PRELID2: variants seen among roughly 807,000 people sequenced by gnomAD.
PRELID2 encodes PRELI domain-containing protein 2.
Under a neutral mutation model 28.4 loss-of-function variants are expected in PRELID2, and 25 were observed. The observed-to-expected ratio is 0.88, with a 90% CI of 0.64 to 1.23. PRELID2 has a LOEUF of 1.23. Ranked by LOEUF, PRELID2 falls within the 50% of genes most tolerant of loss-of-function variation. The pLI is 0.00. For synonymous variants in PRELID2, 76 were observed against 71.6 expected (o/e 1.06, Z -0.31); for missense variants, 201 against 214.4 (o/e 0.94, Z 0.39).
chr5:145,780,787 G>C (rs2149794139), intron 5 of PRELID2, among the ~76,000 whole-genome samples: 1 of 152,256 alleles, frequency 6.6e-6, no homozygotes, highest in Admixed American at 6.5e-5. Flanking sequence ...GCCCCTGATT[G>C]AGGAAATTTT....
intron 1 of PRELID2, among the ~76,000 whole-genome samples, chr5:145,832,833 T>C (rs1255452366): frequency 3.9e-5 from 6 of 152,050 alleles, no homozygotes. Flanking sequence ...AGGAAACTTC[T>C]ATTCATGCTT....
intron 1 of PRELID2, among the ~76,000 whole-genome samples, chr5:145,668,367 A>T (rs1188840825): frequency 9.3e-6 from 1 of 107,522 alleles, no homozygotes; most frequent in Non-Finnish European, 1.7e-5. Context: ...AAGGTGGTTA[A>T]AAAAAAAAAA....
the PRELID2 span, among the ~76,000 whole-genome samples, chr5:145,399,693 C>T: frequency 0.59 from 89,478 of 151,882 alleles, 26,733 homozygotes; most frequent in South Asian, 0.8. Flanking sequence ...TTCATGCTGC[C>T]GAGAAAGACA....
intron 1 of PRELID2, among the ~76,000 whole-genome samples, chr5:145,638,187 TAC>T (rs1351572173): frequency 6.6e-6 from 1 of 152,178 alleles, no homozygotes; most frequent in African/African-American, 2.4e-5. Flanking sequence ...CTACTACTAC[TAC>T]CAGTACTATT....
At chr5:145,805,131 T>A (rs1423720148) in intron 4 of PRELID2, among the ~76,000 whole-genome samples, 1 of 152,192 alleles carries the variant, frequency 6.6e-6, no homozygotes, top group Non-Finnish European at 1.5e-5. Context: ...TTAACTGGCA[T>A]CTGTGTTTCC....
At chr5:145,612,486 T>TG (rs1160495243) in intron 1 of PRELID2, among the ~76,000 whole-genome samples, 12 of 152,188 alleles carry the variant, frequency 7.9e-5, no homozygotes, top group African/African-American at 2.7e-4. Context: ...CATAGGTTAT[T>TG]GGGGTACAGG....
intron 1 of PRELID2, among the ~76,000 whole-genome samples, chr5:145,569,351 T>C (rs917897297): frequency 9.2e-5 from 14 of 152,240 alleles, no homozygotes; most frequent in Non-Finnish European, 1.5e-4. Flanking sequence ...GTAACATGTC[T>C]GGGTGGATCC....
chr5:145,271,359 G>C, the PRELID2 span, among the ~76,000 whole-genome samples: 2 of 151,902 alleles, frequency 1.3e-5, no homozygotes, highest in African/African-American at 4.8e-5. Context: ...TAAGTAGCTG[G>C]CACCACAGGC....
chr5:145,432,773 A>G, the PRELID2 span, among the ~76,000 whole-genome samples: 1 of 152,178 alleles, frequency 6.6e-6, no homozygotes, highest in Non-Finnish European at 1.5e-5. Context: ...ATGAAAATCC[A>G]TTTAAGAAAC....
At chr5:145,621,218 TC>T (rs1262897681) in intron 1 of PRELID2, among the ~76,000 whole-genome samples, 1 of 152,090 alleles carries the variant, frequency 6.6e-6, no homozygotes, top group African/African-American at 2.4e-5. Flanking sequence ...GCAAGGTGAA[TC>T]AAACCCATCA....
In PRELID2 at chr5:145,823,811, T is replaced by A. The variant is rs546080588; in HGVS notation, c.76-677A>T. 9.7e-4 allele frequency among the ~76,000 whole-genome samples: 147 copies of A among 152,326 alleles called. 3 individuals carry two copies. The highest frequency in any genetic ancestry group is 8.3e-3 in the South Asian group (40 of 4,832). ...GAAAAGCAATTTGGCTGTGACAAGG[T>A]TGATAATAGCCACTGCTTTTGTCGT... On this transcript the variant is annotated intron_variant, in intron 1 of 6. Coordinates refer to ENST00000683046, the MANE Select transcript of PRELID2 (RefSeq NM_205846.3).
At chr5:145,565,581 T>C (rs1752957656) in intron 1 of PRELID2, among the ~76,000 whole-genome samples, 2 of 152,240 alleles carry the variant, frequency 1.3e-5, no homozygotes, top group Admixed American at 1.3e-4. Context: ...GGCAGACATG[T>C]CAACTCTACA....
At chr5:145,788,885 A>T (rs1247393861) in intron 5 of PRELID2, among the ~76,000 whole-genome samples, 1 of 152,196 alleles carries the variant, frequency 6.6e-6, no homozygotes, top group Non-Finnish European at 1.5e-5. Context: ...TATCCGAAAA[A>T]ATTAAGAAAT....
At chr5:145,271,686 T>A in the PRELID2 span, among the ~76,000 whole-genome samples, 1 of 152,136 alleles carries the variant, frequency 6.6e-6, no homozygotes, top group Non-Finnish European at 1.5e-5. Context: ...TTTTGGAAAG[T>A]GGTTGTGATT....
In PRELID2 at chr5:145,700,872, A is replaced by G. The variant is rs145137828; in HGVS notation, n.70+64059T>C. On this transcript the variant is annotated intron_variant and non_coding_transcript_variant, in intron 1 of 2. Coordinates refer to the PRELID2 transcript ENST00000510259. ...AGTGCATCTAACACCCAGGTGAGCA[A>G]GCCCCTCCATGGCCATACGGACCAC... is the stretch of plus-strand genomic sequence containing the variant. Among the ~76,000 whole-genome samples, 74 of 152,340 alleles carry G rather than the reference A, an allele frequency of 4.9e-4. No individual in the cohort carries two copies. The East Asian group carries it at 0.012, about 25-fold the overall frequency.
intron 1 of PRELID2, among the ~76,000 whole-genome samples, chr5:145,541,630 A>G (rs1422784495): frequency 3.9e-5 from 6 of 152,108 alleles, no homozygotes; most frequent in Non-Finnish European, 5.9e-5. Flanking sequence ...TATGCATTGT[A>G]TAGTTTTATT....
the PRELID2 span, among the ~76,000 whole-genome samples, chr5:145,366,400 A>G: frequency 6.6e-6 from 1 of 151,878 alleles, no homozygotes; most frequent in Admixed American, 6.6e-5. Flanking sequence ...AAAAGAGAAA[A>G]TAACAGGAAT....
At chr5:145,468,162 T>C (rs573707916), downstream of PRELID2, among the ~76,000 whole-genome samples, 20 of 152,112 alleles carry the variant, frequency 1.3e-4, no homozygotes, top group Admixed American at 9.2e-4. Context: ...TGAGAACATG[T>C]GGTGTTTGGT....
chr5:145,393,812 C>T, the PRELID2 span, among the ~76,000 whole-genome samples: 1 of 152,186 alleles, frequency 6.6e-6, no homozygotes, highest in Admixed American at 6.5e-5. Flanking sequence ...TTCAATTTAA[C>T]AGGGTTAAGT....
Sources: allele counts gnomAD v4.1 joint callset (sites outside exome capture counted in the v4.1 genomes callset), GRCh38; gene constraint gnomAD v4.1.1; transcripts MANE v1.5; gene names NCBI Gene and HGNC (gene_info 2026-07-23, HGNC 2026-07-21).